Variants in SCD5 observed in about 807,000 individuals in gnomAD.
SCD5 encodes the protein acyl-CoA-desaturase 4.
Under a neutral mutation model 30.4 loss-of-function variants are expected in SCD5, and 20 were observed. That is an observed-to-expected ratio of 0.66 (90% CI 0.46 to 0.96). The LOEUF is 0.96. SCD5 is among the 40% of genes least tolerant of loss of function. The pLI is 0.00. For synonymous variants in SCD5, 173 were observed against 176.4 expected (o/e 0.98, Z 0.16); for missense variants, 381 against 443.3 (o/e 0.86, Z 1.26).
chr4:82,641,232 C>T (rs567061846), intron 3 of SCD5, among the ~76,000 whole-genome samples: 10 of 104,474 alleles, frequency 9.6e-5, no homozygotes, highest in Non-Finnish European at 1.6e-4. Flanking sequence ...CCAGCCTAGG[C>T]GAAGAAGCAA....
chr4:82,764,516 G>A (rs985711262), intron 1 of SCD5, among the ~76,000 whole-genome samples: 18 of 151,854 alleles, frequency 1.2e-4, no homozygotes, highest in African/African-American at 4.4e-4. Context: ...GGTTGCTTTA[G>A]GGTTCATAGT....
chr4:82,782,475 C>T (rs1042882456), intron 1 of SCD5, among the ~76,000 whole-genome samples: 2 of 152,042 alleles, frequency 1.3e-5, no homozygotes, highest in Admixed American at 1.3e-4. Context: ...AGTCCTCACA[C>T]CAATCCTAGA....
chr4:82,639,407 G>A (rs1727494713), intron 3 of SCD5, among the ~76,000 whole-genome samples: 2 of 152,236 alleles, frequency 1.3e-5, no homozygotes, highest in East Asian at 1.9e-4. Context: ...CCCACAATGA[G>A]TTTCAGTGGA....
chr4:82,744,822 C>A (rs1007603356), intron 1 of SCD5, among the ~76,000 whole-genome samples: 1 of 151,572 alleles, frequency 6.6e-6, no homozygotes, highest in African/African-American at 2.4e-5. Context: ...CCACTAGATA[C>A]CATCTTAGGA....
At chr4:82,734,524 AAGG>A (rs1720707057) in intron 1 of SCD5, among the ~76,000 whole-genome samples, 1 of 152,224 alleles carries the variant, frequency 6.6e-6, no homozygotes, top group African/African-American at 2.4e-5. Flanking sequence ...AAACCACATA[AAGG>A]AGATGTAAGG....
At chr4:82,727,551 T>A (rs545476546) in intron 1 of SCD5, among the ~76,000 whole-genome samples, 1 of 152,304 alleles carries the variant, frequency 6.6e-6, no homozygotes, top group African/African-American at 2.4e-5. Context: ...TCTCTTTTAG[T>A]CTTTTCAGAA....
intron 1 of SCD5, among the ~76,000 whole-genome samples, chr4:82,752,239 A>G (rs1282764081): frequency 6.6e-6 from 1 of 150,518 alleles, no homozygotes; most frequent in Non-Finnish European, 1.5e-5. Flanking sequence ...AATACAAGCA[A>G]TATCTCTCAA....
chr4:82,746,854 T>C (rs747995051), intron 1 of SCD5, among the ~76,000 whole-genome samples: 1 of 152,046 alleles, frequency 6.6e-6, no homozygotes, highest in African/African-American at 2.4e-5. Flanking sequence ...CTCCCACTTT[T>C]ACACTCAAGG....
intron 1 of SCD5, among the ~76,000 whole-genome samples, chr4:82,718,708 C>T (rs1720288767): frequency 6.6e-6 from 1 of 151,818 alleles, no homozygotes; most frequent in African/African-American, 2.4e-5. Context: ...GGGACTGCAT[C>T]ATTAAGGCAG....
At chr4:82,661,850 C>T (rs1578010194) in intron 3 of SCD5, among the ~76,000 whole-genome samples, 1 of 152,172 alleles carries the variant, frequency 6.6e-6, no homozygotes, top group Non-Finnish European at 1.5e-5. Flanking sequence ...AAATACGCAA[C>T]ACACCCCATC....
chr4:82,758,996 C>G (rs897064190), intron 1 of SCD5, among the ~76,000 whole-genome samples: 6 of 152,258 alleles, frequency 3.9e-5, no homozygotes, highest in African/African-American at 1.2e-4. Flanking sequence ...CCCCAGCGCC[C>G]CGCTGACACC....
intron 1 of SCD5, among the ~76,000 whole-genome samples, chr4:82,795,151 A>C (rs1722186109): frequency 6.6e-6 from 1 of 152,080 alleles, no homozygotes; most frequent in African/African-American, 2.4e-5. Flanking sequence ...CACCACACAA[A>C]TTACTCTCTG....
At chr4:82,720,672 C>T (rs898412970) in intron 1 of SCD5, among the ~76,000 whole-genome samples, 2 of 152,122 alleles carry the variant, frequency 1.3e-5, no homozygotes, top group African/African-American at 4.8e-5. Context: ...TCCAGGTACT[C>T]ATTCCCCAAC....
At chr4:82,675,213 A>C (rs1057300268) in intron 3 of SCD5, among the ~76,000 whole-genome samples, 1 of 152,172 alleles carries the variant, frequency 6.6e-6, no homozygotes, top group South Asian at 2.1e-4. Context: ...GAGGCTATGC[A>C]TGTGTGTGGG....
At chr4:82,661,412 T>C (rs1848067) in intron 3 of SCD5, among the ~76,000 whole-genome samples, 87,728 of 151,764 alleles carry the variant, frequency 0.58, 25,881 homozygotes, top group Admixed American at 0.69. Context: ...ACGAGGGGTC[T>C]CATAATACAT....
intron 2 of SCD5, among the ~76,000 whole-genome samples, chr4:82,686,986 T>A (rs1578021265): frequency 6.6e-6 from 1 of 151,758 alleles, no homozygotes; most frequent in Non-Finnish European, 1.5e-5. Flanking sequence ...GCCTGGCCAA[T>A]ATGGTGAAAC....
chr4:82,736,892 T>A (rs1021768774), intron 1 of SCD5, among the ~76,000 whole-genome samples: 4 of 152,128 alleles, frequency 2.6e-5, no homozygotes, highest in African/African-American at 9.7e-5. Context: ...TCTCGAACTC[T>A]TGGGCTCAAG....
chr4:82,637,621 A>C (rs1727460691), intron 3 of SCD5, among the ~76,000 whole-genome samples: 1 of 152,238 alleles, frequency 6.6e-6, no homozygotes, highest in Non-Finnish European at 1.5e-5. Flanking sequence ...GCCTCTATGC[A>C]GGGGCAGGAG....
chr4:82,713,831 T>C (rs974356119), intron 1 of SCD5, among the ~76,000 whole-genome samples: 1 of 152,202 alleles, frequency 6.6e-6, no homozygotes, highest in Admixed American at 6.5e-5. Context: ...ATTGACCTCA[T>C]ACCTGCTCCG....
Sources: gnomAD v4.1 joint callset for allele counts (sites outside exome capture counted in the v4.1 genomes callset) on GRCh38, gnomAD v4.1.1 for gene constraint, MANE v1.5 for transcripts, NCBI Gene and HGNC (gene_info 2026-07-23, HGNC 2026-07-21) for gene names.